ZFAND3: variants seen among roughly 807,000 people sequenced by gnomAD.
ZFAND3 encodes the protein AN1-type zinc finger protein 3.
ZFAND3 carries 10 observed loss-of-function variants against 29.6 expected under a neutral mutation model. The observed-to-expected ratio is 0.34, with a 90% CI of 0.21 to 0.57. ZFAND3 has a LOEUF of 0.57. Among genes scored for constraint, ZFAND3 ranks in the 20% least tolerant of loss-of-function variants. The probability of loss-of-function intolerance (pLI) is 0.86; values close to 1 mark genes in which losing one functional copy is unlikely to be tolerated. For synonymous variants in ZFAND3, 128 were observed against 112.6 expected (o/e 1.14, Z -0.87); for missense variants, 230 against 304.5 (o/e 0.76, Z 1.82).
At chr6:37,979,657 C>T (rs1762548306) in intron 2 of ZFAND3, among the ~76,000 whole-genome samples, 2 of 152,200 alleles carry the variant, frequency 1.3e-5, no homozygotes, top group African/African-American at 4.8e-5. Context: ...CTATGTGCGT[C>T]TCAAGCCCTG....
chr6:38,126,362 A>T (rs1765634407), intron 5 of ZFAND3, among the ~76,000 whole-genome samples: 1 of 152,250 alleles, frequency 6.6e-6, no homozygotes, highest in Admixed American at 6.5e-5. Context: ...AGCTGCATTT[A>T]TGCAGAAGTC....
chr6:37,917,487 A>T (rs868406173), intron 1 of ZFAND3, among the ~76,000 whole-genome samples: 1 of 152,250 alleles, frequency 6.6e-6, no homozygotes, highest in South Asian at 2.1e-4. Context: ...ATGAAATATG[A>T]TACACAAAAA....
chr6:37,954,362 C>G (rs1433598906), intron 2 of ZFAND3, among the ~76,000 whole-genome samples: 1 of 152,176 alleles, frequency 6.6e-6, no homozygotes, highest in African/African-American at 2.4e-5. Flanking sequence ...CTAACTGATG[C>G]TCTTATTTTT....
At chr6:37,850,102 C>T (rs1320558874) in intron 1 of ZFAND3, among the ~76,000 whole-genome samples, 1 of 152,118 alleles carries the variant, frequency 6.6e-6, no homozygotes, top group Non-Finnish European at 1.5e-5. Flanking sequence ...AGGTTTATTA[C>T]TATAGTAGGA....
intron 2 of ZFAND3, among the ~76,000 whole-genome samples, chr6:37,965,735 A>G (rs934315404): frequency 2.0e-5 from 3 of 152,158 alleles, no homozygotes; most frequent in Non-Finnish European, 4.4e-5. Context: ...TATGGACTGA[A>G]GTGAAGCAAT....
chr6:38,037,863 T>C (rs1243169880), intron 2 of ZFAND3, among the ~76,000 whole-genome samples: 1 of 152,252 alleles, frequency 6.6e-6, no homozygotes, highest in Non-Finnish European at 1.5e-5. Flanking sequence ...TTCCTGAATG[T>C]TTACTGCAAA....
chr6:38,028,478 T>G (rs1763489757), intron 2 of ZFAND3, among the ~76,000 whole-genome samples: 1 of 152,206 alleles, frequency 6.6e-6, no homozygotes, highest in African/African-American at 2.4e-5. Flanking sequence ...ATTACAAATT[T>G]GAATGTATAG....
chr6:37,866,828 A>G (rs1016726429), intron 1 of ZFAND3, among the ~76,000 whole-genome samples: 4 of 152,362 alleles, frequency 2.6e-5, no homozygotes, highest in Admixed American at 2.6e-4. Context: ...CTGACTTTCA[A>G]CAGTGGTAAG....
intron 3 of ZFAND3, among the ~76,000 whole-genome samples, chr6:38,078,595 A>T (rs1764597542): frequency 6.6e-6 from 1 of 152,324 alleles, no homozygotes; most frequent in South Asian, 2.1e-4. Context: ...TTAAGCAAGG[A>T]ACTTTGTAAT....
At chr6:38,145,862 G>A (rs901049266) in intron 5 of ZFAND3, among the ~76,000 whole-genome samples, 4 of 152,124 alleles carry the variant, frequency 2.6e-5, no homozygotes, top group African/African-American at 9.7e-5. Flanking sequence ...CTGTCCTTCC[G>A]AGAGAAGTGC....
chr6:38,099,811 A>G (rs1765058039), intron 4 of ZFAND3, among the ~76,000 whole-genome samples: 1 of 152,188 alleles, frequency 6.6e-6, no homozygotes, highest in Non-Finnish European at 1.5e-5. Context: ...TTTTTTCTAG[A>G]GGAAGTCAAA....
rs57491627 is a variant in ZFAND3 at position 38,101,772 on chromosome 6, C to CAAA, written c.362-14776_362-14774dup. ...CTGGCAACAGAGCGAGACTCCCTCT[C>CAAA]AAAAAAAAAAAAAAAAAAAAAAAAA... On this transcript the variant is annotated intron_variant, in intron 4 of 5. Coordinates refer to ENST00000287218, the MANE Select transcript of ZFAND3 (RefSeq NM_021943.3). 3.3e-4 allele frequency among the ~76,000 whole-genome samples: 14 copies of CAAA among 42,746 alleles called. 1 individual carries two copies. Among genetic ancestry groups the CAAA allele is most frequent in the Admixed American group, 1.1e-3 (3 of 2,818 alleles). 28.0% of individuals were successfully genotyped at this position (42,746 alleles called of 152,430 possible).
intron 2 of ZFAND3, among the ~76,000 whole-genome samples, chr6:37,967,226 C>T (rs1762309197): frequency 6.6e-6 from 1 of 152,160 alleles, no homozygotes; most frequent in Non-Finnish European, 1.5e-5. Context: ...TCTACTTATA[C>T]TCATGGTTTC....
chr6:38,069,685 A>T (rs1764414643), intron 3 of ZFAND3, among the ~76,000 whole-genome samples: 1 of 152,210 alleles, frequency 6.6e-6, no homozygotes, highest in Non-Finnish European at 1.5e-5. Flanking sequence ...ATCAAAAATC[A>T]ATGTGTGAGA....
chr6:37,886,028 A>G (rs1279722808), intron 1 of ZFAND3, among the ~76,000 whole-genome samples: 1 of 152,000 alleles, frequency 6.6e-6, no homozygotes. Context: ...ACTTGAGGTC[A>G]GGAGTTCGAG....
At chr6:38,036,763 T>A (rs1451444361) in intron 2 of ZFAND3, among the ~76,000 whole-genome samples, 2 of 152,184 alleles carry the variant, frequency 1.3e-5, no homozygotes, top group Non-Finnish European at 2.9e-5. Context: ...ATATATTTTT[T>A]ATTAAAAATC....
In ZFAND3 at chr6:37,819,829, T is replaced by G; in HGVS notation, c.-117T>G. Reference sequence around the variant, plus strand: ...TCGCGCCCGCCCGCGCGCCCGCTCCTTCCCCCTCCCCCCGCCCCGAGCCCC... The same window carrying G: ...TCGCGCCCGCCCGCGCGCCCGCTCCGTCCCCCTCCCCCCGCCCCGAGCCCC... On this transcript the variant is annotated 5_prime_UTR_variant, in exon 1 of 6. Coordinates refer to ENST00000287218, the MANE Select transcript of ZFAND3 (RefSeq NM_021943.3). 7.9e-5 allele frequency: 38 copies of G among 480,730 alleles called. No individual in the cohort carries two copies. The highest frequency in any genetic ancestry group is 9.3e-5 in the Non-Finnish European group (33 of 353,480). 29.8% of individuals were successfully genotyped at this position (480,730 alleles called of 1,614,324 possible).
intron 2 of ZFAND3, among the ~76,000 whole-genome samples, chr6:37,961,291 A>G (rs1015208280): frequency 2.0e-5 from 3 of 152,210 alleles, no homozygotes; most frequent in Admixed American, 6.5e-5. Context: ...AGGGAAGAGT[A>G]GGAAGGACTG....
rs1306447588 is a variant in ZFAND3 at position 38,116,752 on chromosome 6, C to T, written c.529+13C>T. On this transcript the variant is annotated intron_variant, in intron 5 of 5. Coordinates refer to ENST00000287218, the MANE Select transcript of ZFAND3 (RefSeq NM_021943.3). ...TCGTGTCGCTGCGGTAAGCATCTCC[C>T]CCAGTGGCGTGATGGAGACTATATC... 1 of 1,612,228 alleles carries T rather than the reference C, an allele frequency of 6.2e-7. No individual in the cohort carries two copies. Among genetic ancestry groups the T allele is most frequent in the Middle Eastern group, 1.7e-4 (1 of 5,974 alleles).
Sources: gnomAD v4.1 joint callset for allele counts (sites outside exome capture counted in the v4.1 genomes callset) on GRCh38, gnomAD v4.1.1 for gene constraint, MANE v1.5 for transcripts, NCBI Gene and HGNC (gene_info 2026-07-23, HGNC 2026-07-21) for gene names.